FAM83B: variants seen among roughly 807,000 people sequenced by gnomAD.
FAM83B encodes scaffolding CK1 anchoring protein B.
FAM83B carries 26 observed loss-of-function variants against 38.8 expected under a neutral mutation model. That is an observed-to-expected ratio of 0.67 (90% CI 0.49 to 0.93). FAM83B has a LOEUF of 0.93. Among genes scored for constraint, FAM83B ranks in the 40% least tolerant of loss-of-function variants. The pLI is 0.00. For synonymous variants in FAM83B, 419 were observed against 423.1 expected (o/e 0.99, Z 0.12); for missense variants, 1,237 against 1,197.3 (o/e 1.03, Z -0.49).
chr6:54,912,927 A>AAT (rs1772945999), intron 2 of FAM83B, among the ~76,000 whole-genome samples: 1 of 152,058 alleles, frequency 6.6e-6, no homozygotes, highest in Non-Finnish European at 1.5e-5. Context: ...CAGATGTAGG[A>AAT]ATATATTACA....
chr6:54,924,367 C>CAGTAA (rs917690393), intron 2 of FAM83B, among the ~76,000 whole-genome samples: 8 of 151,600 alleles, frequency 5.3e-5, no homozygotes, highest in African/African-American at 1.9e-4. Context: ...CTACCCCCAA[C>CAGTAA]TACTGTTCAA....
At chr6:54,863,034 G>T (rs984534578) in intron 1 of FAM83B, among the ~76,000 whole-genome samples, 1 of 152,134 alleles carries the variant, frequency 6.6e-6, no homozygotes, top group Admixed American at 6.5e-5. Flanking sequence ...TTGTCACTCT[G>T]GTGTAGGAAA....
At chr6:54,930,703 TC>T (rs1773400966) in intron 4 of FAM83B, among the ~76,000 whole-genome samples, 1 of 152,100 alleles carries the variant, frequency 6.6e-6, no homozygotes, top group Non-Finnish European at 1.5e-5. Context: ...ATGTTTTCTT[TC>T]TTGAACCTTT....
chr6:54,941,844 T>A lies in FAM83B; in HGVS notation c.2873T>A (p.Ile958Lys), dbSNP rs538153934. 22 of 1,614,034 alleles carry A rather than the reference T, an allele frequency of 1.4e-5. No homozygotes were observed. In the South Asian group the frequency reaches 2.0e-4, roughly 15 times the overall value. Reference protein sequence around the residue: ...QPTSNMPNTSINRPEIKSATM... With the variant: ...QPTSNMPNTSKNRPEIKSATM... ...ACAAGCAACATGCCAAATACCAGTA[T>A]AAATCGCCCAGAAATAAAATCTGCG... Residue 958 changes from isoleucine (I) to lysine (K), a missense_variant, in exon 5 of 5, where the codon ATA becomes AAA. Ile to Lys is a moderately radical substitution (Grantham distance 102). Transcript: ENST00000306858.
rs1053100738 is a variant in FAM83B, at chr6:54,944,976, G to T, written c.*2969G>T. The T allele has an allele frequency of 2.0e-5, 3 of 152,112 alleles. No individual in the cohort carries two copies. Among genetic ancestry groups the T allele is most frequent in the African/African-American group, 7.2e-5 (3 of 41,414 alleles). The allele number at this position is 152,112 out of a possible 1,614,324, so 9.4% of individuals were successfully genotyped here. On this transcript the variant is annotated 3_prime_UTR_variant, in exon 5 of 5. Coordinates refer to ENST00000306858, the MANE Select transcript of FAM83B (RefSeq NM_001010872.3). Reference sequence around the variant, plus strand: ...AGTCCTGGGCTCAAACGATCCTCCAGCCTCAGGTTCCTGAGTAGCTCAACA... The same window carrying T: ...AGTCCTGGGCTCAAACGATCCTCCATCCTCAGGTTCCTGAGTAGCTCAACA...
chr6:54,904,476 C>T (rs899869125), intron 2 of FAM83B, among the ~76,000 whole-genome samples: 1 of 152,060 alleles, frequency 6.6e-6, no homozygotes, highest in African/African-American at 2.4e-5. Flanking sequence ...GGAAAACACA[C>T]CTCCCATTCC....
Position 54,859,842 on chromosome 6 carries a change from A to G in FAM83B, c.-60-10345A>G, listed in dbSNP as rs537385347. 4.6e-5 allele frequency among the ~76,000 whole-genome samples: 7 copies of G among 152,344 alleles called. No individual in the cohort carries two copies. In the East Asian group the frequency reaches 7.7e-4, roughly 17 times the overall value. On this transcript the variant is annotated intron_variant, in intron 1 of 4. Coordinates refer to ENST00000306858, the MANE Select transcript of FAM83B (RefSeq NM_001010872.3). Reference sequence around the variant, plus strand: ...TGATATGCAGGGTTTTGAATCACCAATTACAGCCAACAGTCTGTGAATGAG... The same window carrying G: ...TGATATGCAGGGTTTTGAATCACCAGTTACAGCCAACAGTCTGTGAATGAG...
intron 2 of FAM83B, among the ~76,000 whole-genome samples, chr6:54,891,616 A>G (rs1347984980): frequency 6.6e-6 from 1 of 152,156 alleles, no homozygotes; most frequent in Non-Finnish European, 1.5e-5. Flanking sequence ...CCTGTGGCCC[A>G]CTGGCCTATC....
At chr6:54,897,627 A>C (rs958520291) in intron 2 of FAM83B, among the ~76,000 whole-genome samples, 1 of 152,210 alleles carries the variant, frequency 6.6e-6, no homozygotes, top group African/African-American at 2.4e-5. Flanking sequence ...GGGTAGAGTT[A>C]TATTCTGGAA....
Position 54,941,667 on chromosome 6 carries a change from C to T in FAM83B, c.2696C>T (p.Ser899Leu). ...FNTEQIQYRD[S>L]REINAVVTPE... ...ACTGAACAGATCCAATACCGAGATT[C>T]AAGGGAGATTAATGCAGTTGTTACC... The change falls in exon 5 of 5, where the codon TCA (serine) becomes TTA (leucine). Residue 899 changes from serine (S) to leucine (L), a missense_variant. Transcript: ENST00000306858. The T allele has an allele frequency of 6.2e-7, 1 of 1,614,064 alleles. No individual in the cohort carries two copies. The highest frequency in any genetic ancestry group is 8.5e-7 in the Non-Finnish European group (1 of 1,179,988).
chr6:54,934,701 T>A (rs954273434), intron 4 of FAM83B, among the ~76,000 whole-genome samples: 2 of 152,244 alleles, frequency 1.3e-5, no homozygotes, highest in East Asian at 3.9e-4. Context: ...GAAGTAAACC[T>A]TAGATTCCTG....
chr6:54,870,224 G>T lies in FAM83B; in HGVS notation c.-23G>T. 3 of 1,589,164 alleles carry T rather than the reference G, an allele frequency of 1.9e-6. No individual in the cohort carries two copies. The highest frequency in any genetic ancestry group is 1.7e-4 in the Middle Eastern group (1 of 5,972). On this transcript the variant is annotated 5_prime_UTR_variant, in exon 2 of 5. Transcript: ENST00000306858. ...ACTGCATGAATGGACATTTGAAAGT[G>T]CCATAGCCAAACACTTGCAAGCATG...
chr6:54,860,043 T>TTG (rs61235878), intron 1 of FAM83B, among the ~76,000 whole-genome samples: 2,805 of 150,578 alleles, frequency 0.019, 56 homozygotes, highest in African/African-American at 0.049. Flanking sequence ...ACCACCCTCA[T>TTG]TGTGTGTGTG....
In FAM83B at chr6:54,867,183, T is replaced by A. The variant is rs192913206; in HGVS notation, c.-60-3004T>A. Among the ~76,000 whole-genome samples, 64 of 151,784 alleles carry A rather than the reference T, an allele frequency of 4.2e-4. No individual in the cohort carries two copies. The South Asian group carries it at 8.1e-3, about 19-fold the overall frequency. On this transcript the variant is annotated intron_variant, in intron 1 of 4. Transcript: ENST00000306858. ...TATTAATAAAATAATTCCTTATTTTTTATATATATATTTAAAGGCACACCT... is the reference window on the plus strand; with the variant it reads ...TATTAATAAAATAATTCCTTATTTTATATATATATATTTAAAGGCACACCT...
At chr6:54,906,530 G>A (rs1014341011) in intron 2 of FAM83B, among the ~76,000 whole-genome samples, 3 of 151,816 alleles carry the variant, frequency 2.0e-5, no homozygotes, top group Non-Finnish European at 2.9e-5. Flanking sequence ...TATCACAGGC[G>A]CGTGCCCCTA....
intron 2 of FAM83B, among the ~76,000 whole-genome samples, chr6:54,908,393 AC>A (rs1381329719): frequency 1.3e-5 from 2 of 152,116 alleles, no homozygotes; most frequent in Non-Finnish European, 2.9e-5. Flanking sequence ...GTATCATTCT[AC>A]TACCAAAGAA....
At chr6:54,860,551 A>G (rs1464611418) in intron 1 of FAM83B, among the ~76,000 whole-genome samples, 1 of 152,250 alleles carries the variant, frequency 6.6e-6, no homozygotes, top group Non-Finnish European at 1.5e-5. Flanking sequence ...AGCTATAGTA[A>G]CCAGGATTGT....
At chr6:54,898,442 T>A (rs1304579251) in intron 2 of FAM83B, among the ~76,000 whole-genome samples, 1 of 152,168 alleles carries the variant, frequency 6.6e-6, no homozygotes, top group African/African-American at 2.4e-5. Context: ...TTGTTACTTG[T>A]TGAGAAATGG....
intron 4 of FAM83B, among the ~76,000 whole-genome samples, chr6:54,928,083 C>T (rs533062425): frequency 7.2e-5 from 11 of 152,240 alleles, no homozygotes; most frequent in Non-Finnish European, 1.6e-4. Flanking sequence ...CAACCCAGTC[C>T]AGGTGAGGCT....
Sources: gnomAD v4.1 joint callset for allele counts (sites outside exome capture counted in the v4.1 genomes callset) on GRCh38, gnomAD v4.1.1 for gene constraint, MANE v1.5 for transcripts, NCBI Gene and HGNC (gene_info 2026-07-23, HGNC 2026-07-21) for gene names.